ARMC8: variants seen among roughly 807,000 people sequenced by gnomAD.
The protein encoded by ARMC8 is armadillo repeat containing 8.
In ARMC8, 20 loss-of-function variants were observed where a neutral mutation model predicts 99.3. That is an observed-to-expected ratio of 0.20 (90% CI 0.14 to 0.29). ARMC8 has a LOEUF of 0.29. Ranked by LOEUF, ARMC8 falls within the 10% of genes least tolerant of loss-of-function variation. The pLI, the probability that ARMC8 is intolerant of heterozygous loss-of-function variation, is 1.00. For missense variants in ARMC8, 569 were observed against 809.5 expected, an observed-to-expected ratio of 0.70 and a Z score of 3.60; for synonymous variants, 263 against 278.3, an observed-to-expected ratio of 0.95 and a Z score of 0.55.
chr3:138,274,017 C>T (rs558440030), intron 17 of ARMC8, among the ~76,000 whole-genome samples: 65 of 152,136 alleles, frequency 4.3e-4, no homozygotes, highest in African/African-American at 1.3e-3. Context: ...GGGGTTTTGC[C>T]GTGTTGGCCA....
intron 1 of ARMC8, among the ~76,000 whole-genome samples, chr3:138,191,577 CACT>C (rs2043384547): frequency 6.6e-6 from 1 of 152,096 alleles, no homozygotes; most frequent in Admixed American, 6.6e-5. Context: ...CCATTACCAC[CACT>C]GTCAAGATAC....
intron 7 of ARMC8, among the ~76,000 whole-genome samples, chr3:138,235,798 CTTTTTTT>C (rs71146120): frequency 5.0e-5 from 4 of 80,530 alleles, no homozygotes; most frequent in East Asian, 7.4e-4. Context: ...TCCTTTTAGT[CTTTTTTT>C]TTTTTTTTTT....
intron 18 of ARMC8, among the ~76,000 whole-genome samples, chr3:138,275,921 C>T (rs1286209013): frequency 6.6e-6 from 1 of 151,812 alleles, no homozygotes; most frequent in South Asian, 2.1e-4. Flanking sequence ...TAAAATTAGC[C>T]GAAATGAAAT....
At chr3:138,203,725 C>T (rs756242807) in intron 1 of ARMC8, among the ~76,000 whole-genome samples, 1 of 152,188 alleles carries the variant, frequency 6.6e-6, no homozygotes, top group Non-Finnish European at 1.5e-5. Flanking sequence ...TCATTGGGGC[C>T]TATCACAGAT....
chr3:138,268,456 C>T (rs559042627), intron 15 of ARMC8, among the ~76,000 whole-genome samples: 1 of 152,108 alleles, frequency 6.6e-6, no homozygotes, highest in Non-Finnish European at 1.5e-5. Flanking sequence ...GTTAATCATC[C>T]TTAACTGCTC....
chr3:138,217,124 A>C (rs2045096618), intron 2 of ARMC8, among the ~76,000 whole-genome samples: 1 of 152,160 alleles, frequency 6.6e-6, no homozygotes, highest in Non-Finnish European at 1.5e-5. Flanking sequence ...TAGTTGGTGT[A>C]AGTACACTCT....
Position 138,241,407 on chromosome 3 carries a change from G to A in ARMC8, c.838-376G>A, listed in dbSNP as rs113477340. Reference sequence around the variant, plus strand: ...AGGCAAAATCATTCCTGATTAAACTGCTGGGTCTTTTTTAGGTAAATAAAT... The same window carrying A: ...AGGCAAAATCATTCCTGATTAAACTACTGGGTCTTTTTTAGGTAAATAAAT... On this transcript the variant is annotated intron_variant, in intron 10 of 21. Transcript: ENST00000469044. Among the ~76,000 whole-genome samples the A allele has an allele frequency of 5.0e-3, 759 of 152,292 alleles. 7 individuals carry two copies. Among genetic ancestry groups the A allele is most frequent in the African/African-American group, 0.017 (709 of 41,558 alleles).
At chr3:138,204,013 TC>T (rs1205597034) in intron 1 of ARMC8, among the ~76,000 whole-genome samples, 1 of 152,226 alleles carries the variant, frequency 6.6e-6, no homozygotes, top group East Asian at 1.9e-4. Flanking sequence ...AGTGTCTTAT[TC>T]CTTCTCCTCT....
chr3:138,239,514 T>A lies in ARMC8; in HGVS notation c.823T>A (p.Cys275Ser). 6.3e-7 allele frequency: 1 copy of A among 1,593,294 alleles called. No individual in the cohort carries two copies. Among genetic ancestry groups the A allele is most frequent in the South Asian group, 1.2e-5 (1 of 86,540 alleles). The change falls in exon 10 of 22, where the codon TGT (cysteine) becomes AGT (serine). Residue 275 changes from cysteine (C) to serine (S), a missense_variant. By Grantham distance (112) the Cys-to-Ser change is moderately radical. Around this residue, in one of 2 missense-constraint regions of ARMC8, gnomAD observed 342 missense variants for 391.6 expected, o/e 0.87. Coordinates refer to ENST00000469044, the MANE Select transcript of ARMC8 (RefSeq NM_001363941.2). ...RAGAIRTDDN[C>S]IVLKTLPCLV... ...TGGAGCAATTCGGACAGATGATAAC[T>A]GTATTGTATTAAAGGTAAGCTAATT...
intron 18 of ARMC8, among the ~76,000 whole-genome samples, chr3:138,282,235 G>A (rs2050000634): frequency 6.6e-6 from 1 of 152,152 alleles, no homozygotes; most frequent in South Asian, 2.1e-4. Context: ...AGCTTGCTAA[G>A]GCTTTCTGTA....
intron 12 of ARMC8, among the ~76,000 whole-genome samples, chr3:138,261,103 T>C (rs1001933810): frequency 3.3e-5 from 5 of 152,208 alleles, no homozygotes; most frequent in African/African-American, 1.2e-4. Context: ...TAGTGCATGA[T>C]TGAACTAACC....
chr3:138,210,614 A>G (rs929152970), intron 2 of ARMC8, among the ~76,000 whole-genome samples: 6 of 152,138 alleles, frequency 3.9e-5, no homozygotes, highest in Admixed American at 1.3e-4. Context: ...AACTGTGTCT[A>G]TGGGAAGAAA....
At chr3:138,270,594 A>G (rs1369648777) in intron 16 of ARMC8, among the ~76,000 whole-genome samples, 16 of 152,208 alleles carry the variant, frequency 1.1e-4, no homozygotes, top group Admixed American at 1.0e-3. Flanking sequence ...GTGTGTTTAT[A>G]AAGTACAACA....
At chr3:138,211,331 C>T (rs1008744298) in intron 2 of ARMC8, among the ~76,000 whole-genome samples, 2 of 152,182 alleles carry the variant, frequency 1.3e-5, no homozygotes, top group African/African-American at 4.8e-5. Flanking sequence ...GATGATATCA[C>T]TGCTACTATG....
chr3:138,263,984 C>A, intron 13 of ARMC8, 147 bp from the exon 14 acceptor site: 1 of 958,194 alleles, frequency 1.0e-6, no homozygotes, highest in East Asian at 2.5e-5. Context: ...GCCTGGCCTC[C>A]AAACCCCATA....
intron 16 of ARMC8, among the ~76,000 whole-genome samples, 153 bp downstream of exon 16, chr3:138,270,285 G>A (rs2048666613): frequency 1.3e-5 from 2 of 152,112 alleles, no homozygotes; most frequent in South Asian, 4.1e-4. Flanking sequence ...GGACCTAGAA[G>A]GCTTAGTATT....
Position 138,237,340 on chromosome 3 carries a change from T to C in ARMC8, c.641T>C (p.Val214Ala). ...ATGCAAGCACTGAAATGTTTCTCAG[T>C]TTTAGCTTTTGAAAACCCCCAGGTA... ...VRMQALKCFSVLAFENPQVSM... is the reference protein window; with the variant it reads ...VRMQALKCFSALAFENPQVSM... The change falls in exon 8 of 22, where the codon GTT becomes GCT. Residue 214 changes from valine (V) to alanine (A), a missense_variant. By Grantham distance (64) the Val-to-Ala change is moderately conservative. Coordinates refer to ENST00000469044, the MANE Select transcript of ARMC8 (RefSeq NM_001363941.2). 1 of 1,613,756 alleles carries C rather than the reference T, an allele frequency of 6.2e-7. No homozygotes were observed. Among genetic ancestry groups the C allele is most frequent in the Non-Finnish European group, 8.5e-7 (1 of 1,179,922 alleles).
At chr3:138,249,490 AT>A (rs1471205594) in intron 12 of ARMC8, among the ~76,000 whole-genome samples, 2 of 151,952 alleles carry the variant, frequency 1.3e-5, no homozygotes, top group African/African-American at 4.8e-5. Context: ...TAGAGTTTTT[AT>A]CTTTCTAGAT....
chr3:138,249,210 A>C (rs942741821), intron 12 of ARMC8, among the ~76,000 whole-genome samples: 1 of 152,180 alleles, frequency 6.6e-6, no homozygotes, highest in African/African-American at 2.4e-5. Context: ...TGCATTAGGA[A>C]CTTTCCTAAC....
Sources: allele counts gnomAD v4.1 joint callset (sites outside exome capture counted in the v4.1 genomes callset), GRCh38; gene constraint gnomAD v4.1.1; regional missense constraint gnomAD v4.1.1; transcripts MANE v1.5; gene names NCBI Gene and HGNC (gene_info 2026-07-23, HGNC 2026-07-21).